Variants in TNRC6A observed in about 807,000 individuals in gnomAD.
TNRC6A encodes the protein trinucleotide repeat-containing gene 6A protein.
TNRC6A carries 44 observed loss-of-function variants against 221.2 expected under a neutral mutation model. That is an observed-to-expected ratio of 0.20 (90% confidence interval 0.16 to 0.26). The LOEUF is 0.26. Ranked by LOEUF, TNRC6A falls within the 10% of genes least tolerant of loss-of-function variation. The pLI, the probability that TNRC6A is intolerant of heterozygous loss-of-function variation, is 1.00. For synonymous variants in TNRC6A, 847 were observed against 838.5 expected (o/e 1.01, Z -0.18); for missense variants, 2,199 against 2,404.4 (o/e 0.91, Z 1.79).
At chr16:24,723,075 A>G (rs1411043021) in intron 2 of TNRC6A, among the ~76,000 whole-genome samples, 1 of 152,126 alleles carries the variant, frequency 6.6e-6, no homozygotes, top group Non-Finnish European at 1.5e-5. Context: ...TCAGCCTGAA[A>G]TACCCAGGAG....
intron 2 of TNRC6A, among the ~76,000 whole-genome samples, chr16:24,643,158 G>A (rs1902087261): frequency 7.0e-6 from 1 of 141,892 alleles, no homozygotes; most frequent in East Asian, 2.0e-4. Flanking sequence ...TCCCATTCAT[G>A]GGAACCCCAT....
upstream of TNRC6A, among the ~76,000 whole-genome samples, chr16:24,725,731 C>A (rs530850602): frequency 2.3e-4 from 35 of 151,948 alleles, no homozygotes; most frequent in African/African-American, 8.4e-4. Flanking sequence ...CGGCCAGGCA[C>A]GGTGGCTCAT....
In TNRC6A at chr16:24,702,107, CTT is replaced by C. The variant is rs201421601; in HGVS notation, n.403-48602_403-48601del. Among the ~76,000 whole-genome samples the C allele has an allele frequency of 5.4e-3, 271 of 50,212 alleles. 1 individual carries two copies. Among genetic ancestry groups the C allele is most frequent in the Middle Eastern group, 0.019 (2 of 106 alleles). 32.9% of individuals were successfully genotyped at this position (50,212 alleles called of 152,430 possible). ...TCTATTTTCTTTTCTTTTCTTTTTT[CTT>C]TTTTTTTTTTTTTTTTGAGGCAGTG... On this transcript the variant is annotated intron_variant and non_coding_transcript_variant, in intron 2 of 2. Coordinates refer to the TNRC6A transcript ENST00000566108.
chr16:24,702,316 T>C (rs2056002448), intron 2 of TNRC6A, among the ~76,000 whole-genome samples: 1 of 151,854 alleles, frequency 6.6e-6, no homozygotes, highest in African/African-American at 2.4e-5. Context: ...TAGCTGGGAC[T>C]TCAGGCACAT....
At chr16:24,682,228 T>C (rs1202685665) in intron 2 of TNRC6A, among the ~76,000 whole-genome samples, 1 of 140,928 alleles carries the variant, frequency 7.1e-6, no homozygotes, top group East Asian at 2.0e-4. Context: ...AGGACTTGTT[T>C]GATTTTTTTT....
intron 21 of TNRC6A, among the ~76,000 whole-genome samples, chr16:24,819,372 C>T (rs2058719149): frequency 6.6e-6 from 1 of 152,198 alleles, no homozygotes. Flanking sequence ...CATACCCACT[C>T]ATGTCTCCAT....
chr16:24,735,239 A>C (rs1567403705), intron 2 of TNRC6A, among the ~76,000 whole-genome samples: 5 of 152,228 alleles, frequency 3.3e-5, no homozygotes. Context: ...AGATTGTGCC[A>C]CTGCGCTCCA....
intron 2 of TNRC6A, among the ~76,000 whole-genome samples, chr16:24,657,332 A>C (rs1468375014): frequency 2.0e-5 from 3 of 148,866 alleles, no homozygotes; most frequent in South Asian, 2.1e-4. Flanking sequence ...AAAAAAAAAA[A>C]AAAAAAAAAA....
rs538548451 is a variant in TNRC6A at position 24,691,445 on chromosome 16, A to G, written n.402+50436A>G. ...CAACAATACAATGTAGATTCTGGAG[A>G]AAAAGGAAACATTTAGAAAAACATC... On this transcript the variant is annotated intron_variant and non_coding_transcript_variant, in intron 2 of 2. Transcript: ENST00000566108. Among the ~76,000 whole-genome samples, 37 of 152,218 alleles carry G rather than the reference A, an allele frequency of 2.4e-4. No homozygotes were observed. In the East Asian group the frequency reaches 2.5e-3, roughly 10 times the overall value.
intron 1 of TNRC6A, among the ~76,000 whole-genome samples, chr16:24,624,822 T>G (rs1053305020): frequency 2.6e-5 from 4 of 152,186 alleles, no homozygotes; most frequent in South Asian, 4.1e-4. Context: ...TGACCTTAAG[T>G]GCTGACGAAG....
chr16:24,721,643 C>T (rs1482690011), intron 2 of TNRC6A, among the ~76,000 whole-genome samples: 2 of 152,108 alleles, frequency 1.3e-5, no homozygotes, highest in African/African-American at 2.4e-5. Context: ...CCCATCTCTA[C>T]AAATAATACA....
chr16:24,643,068 T>TTATATATATATTATATATATATATTTTA (rs1567319247), intron 2 of TNRC6A, among the ~76,000 whole-genome samples: 32 of 135,188 alleles, frequency 2.4e-4, no homozygotes, highest in Non-Finnish European at 3.9e-4. Context: ...AACATATATA[T>TTATATATATATTATATATATATATTTTA]TATATATATA....
At chr16:24,741,149 C>T (rs539793357) in intron 2 of TNRC6A, among the ~76,000 whole-genome samples, 3 of 152,280 alleles carry the variant, frequency 2.0e-5, no homozygotes, top group Admixed American at 6.5e-5. Flanking sequence ...TACTCACACA[C>T]GCACTCTCTT....
intron 2 of TNRC6A, among the ~76,000 whole-genome samples, chr16:24,738,418 C>T (rs930909504): frequency 4.6e-5 from 7 of 152,156 alleles, no homozygotes; most frequent in Admixed American, 3.9e-4. Flanking sequence ...CACCCCTTCA[C>T]CCAAAAACCC....
intron 2 of TNRC6A, among the ~76,000 whole-genome samples, chr16:24,670,214 T>A (rs567132211): frequency 6.6e-6 from 1 of 152,168 alleles, no homozygotes; most frequent in Non-Finnish European, 1.5e-5. Flanking sequence ...CCTCCCAAAG[T>A]GCTGGGATTA....
intron 2 of TNRC6A, among the ~76,000 whole-genome samples, chr16:24,681,281 G>A (rs2055528595): frequency 6.6e-6 from 1 of 152,160 alleles, no homozygotes; most frequent in Non-Finnish European, 1.5e-5. Flanking sequence ...AGGCTGGAGA[G>A]CAGTGGCGTG....
intron 1 of TNRC6A, among the ~76,000 whole-genome samples, chr16:24,633,200 A>C (rs1264160220): frequency 3.3e-5 from 5 of 152,044 alleles, no homozygotes; most frequent in Non-Finnish European, 7.4e-5. Flanking sequence ...CCATATATGC[A>C]GCTGCTTGAC....
chr16:24,782,410 A>G (rs1237521784), intron 5 of TNRC6A, among the ~76,000 whole-genome samples: 4 of 152,112 alleles, frequency 2.6e-5, no homozygotes, highest in Admixed American at 2.6e-4. Context: ...ACACCCATTC[A>G]TTTACATGTC....
At chr16:24,698,978 G>A (rs969953747) in intron 2 of TNRC6A, among the ~76,000 whole-genome samples, 1 of 152,122 alleles carries the variant, frequency 6.6e-6, no homozygotes, top group Non-Finnish European at 1.5e-5. Flanking sequence ...TAAAGTGCTG[G>A]GATTACAGGG....
Sources: allele counts gnomAD v4.1 joint callset (sites outside exome capture counted in the v4.1 genomes callset), GRCh38; gene constraint gnomAD v4.1.1; transcripts MANE v1.5; gene names NCBI Gene and HGNC (gene_info 2026-07-23, HGNC 2026-07-21).